STMN2: variants seen among roughly 807,000 people sequenced by gnomAD.
STMN2 encodes the protein stathmin-2.
In STMN2, 2 loss-of-function variants were observed where a neutral mutation model predicts 24.1. The observed-to-expected ratio is 0.08, with a 90% CI of 0.03 to 0.26. The LOEUF (loss-of-function observed/expected upper bound fraction) is 0.26. STMN2 is among the 10% of genes least tolerant of loss of function. STMN2 has a pLI of 1.00. For synonymous variants in STMN2, 83 were observed against 77.5 expected (o/e 1.07, Z -0.37); for missense variants, 114 against 213.6 (o/e 0.53, Z 2.91).
intron 3 of STMN2, 119 bp downstream of exon 3, chr8:79,641,669 C>CAT (rs981144422): frequency 4.1e-6 from 3 of 739,376 alleles, no homozygotes; most frequent in African/African-American, 4.0e-5. Context: ...CACACACACA[C>CAT]ACATACAGAG....
intron 4 of STMN2, among the ~76,000 whole-genome samples, chr8:79,656,074 A>G (rs768948622): frequency 2.6e-5 from 4 of 152,214 alleles, no homozygotes; most frequent in Non-Finnish European, 5.9e-5. Context: ...AAAAAACCTT[A>G]TCCTGAAGTT....
At chr8:79,652,501 C>G (rs903680753) in intron 3 of STMN2, among the ~76,000 whole-genome samples, 1 of 152,106 alleles carries the variant, frequency 6.6e-6, no homozygotes, top group Non-Finnish European at 1.5e-5. Context: ...ATCAGGATCC[C>G]TGAATCCACT....
At chr8:79,621,355 G>C (rs575815421) in intron 1 of STMN2, among the ~76,000 whole-genome samples, 2 of 152,334 alleles carry the variant, frequency 1.3e-5, no homozygotes, top group African/African-American at 4.8e-5. Flanking sequence ...AAATACCCAT[G>C]TGCATGCATT....
At chr8:79,624,479 G>GAAAAAAGAAAAA (rs1411947488) in intron 1 of STMN2, among the ~76,000 whole-genome samples, 12 of 103,458 alleles carry the variant, frequency 1.2e-4, no homozygotes, top group Admixed American at 1.1e-3. Context: ...AAAAAAAAAA[G>GAAAAAAGAAAAA]AAAGAAAGAA....
chr8:79,647,491 T>A (rs1810243296), intron 3 of STMN2, among the ~76,000 whole-genome samples: 1 of 152,124 alleles, frequency 6.6e-6, no homozygotes, highest in African/African-American at 2.4e-5. Context: ...GCTTTCTGGG[T>A]TTATAGCTGG....
chr8:79,658,794 C>T (rs537060000), intron 4 of STMN2, among the ~76,000 whole-genome samples: 6 of 152,272 alleles, frequency 3.9e-5, no homozygotes, highest in South Asian at 4.1e-4. Flanking sequence ...TGATAAATTC[C>T]CAGAAACCCC....
At position 79,661,592 on chromosome 8, in the gene STMN2, T is replaced by C. The variant is rs1461749985; in HGVS notation, c.481-3223T>C. Among the ~76,000 whole-genome samples the C allele has an allele frequency of 2.6e-5, 4 of 152,242 alleles. 1 individual carries two copies. The highest frequency in any genetic ancestry group is 9.6e-5 in the African/African-American group (4 of 41,574). ...GAAAAGGGATTAAAACTAGCCTTTA[T>C]TAATTGTTTGCTATAGGCCAGACAT... On this transcript the variant is annotated intron_variant, in intron 4 of 4. Coordinates refer to ENST00000220876, the MANE Select transcript of STMN2 (RefSeq NM_007029.4).
chr8:79,613,596 G>C (rs1337958763), intron 1 of STMN2: 8 of 985,354 alleles, frequency 8.1e-6, no homozygotes, highest in Non-Finnish European at 8.4e-6. Flanking sequence ...GTCATCATCA[G>C]TATTATTATC....
At chr8:79,638,722 G>A (rs1810025234) in intron 2 of STMN2, among the ~76,000 whole-genome samples, 1 of 151,942 alleles carries the variant, frequency 6.6e-6, no homozygotes, top group African/African-American at 2.4e-5. Context: ...TTTTAAATGA[G>A]GAAATAAAAG....
intron 3 of STMN2, among the ~76,000 whole-genome samples, chr8:79,642,330 A>G (rs1810118020): frequency 6.6e-6 from 1 of 152,202 alleles, no homozygotes; most frequent in African/African-American, 2.4e-5. Context: ...GGGACTGTGT[A>G]CACAAACAGA....
chr8:79,659,338 A>T (rs1806447559), intron 4 of STMN2, among the ~76,000 whole-genome samples: 1 of 152,190 alleles, frequency 6.6e-6, no homozygotes, highest in Non-Finnish European at 1.5e-5. Context: ...TTAGAGTGGT[A>T]TGAGAAGTAG....
chr8:79,651,412 G>A (rs1810331573), intron 3 of STMN2, among the ~76,000 whole-genome samples: 1 of 152,190 alleles, frequency 6.6e-6, no homozygotes, highest in African/African-American at 2.4e-5. Context: ...TCCAGTAAAT[G>A]GAGTAGGCAT....
At chr8:79,663,882 TC>T (rs1806549479) in intron 4 of STMN2, among the ~76,000 whole-genome samples, 1 of 152,182 alleles carries the variant, frequency 6.6e-6, no homozygotes, top group Admixed American at 6.5e-5. Flanking sequence ...CTCAGGAAGT[TC>T]AGTTCCCAAT....
intron 1 of STMN2, among the ~76,000 whole-genome samples, chr8:79,629,168 C>T (rs1171758755): frequency 6.6e-6 from 1 of 152,150 alleles, no homozygotes; most frequent in Non-Finnish European, 1.5e-5. Flanking sequence ...CTCACAGGCT[C>T]TGTTATTCCC....
At chr8:79,617,471 C>T (rs563502548) in intron 1 of STMN2, among the ~76,000 whole-genome samples, 4 of 152,314 alleles carry the variant, frequency 2.6e-5, no homozygotes, top group Middle Eastern at 3.4e-3. Flanking sequence ...TTACTCAACA[C>T]AAAGTTGGAC....
intron 3 of STMN2, 78 bp downstream of exon 3, chr8:79,641,628 G>GCACGCACA (rs1554545134): frequency 1.9e-5 from 8 of 431,800 alleles, no homozygotes; most frequent in South Asian, 8.9e-5. Context: ...ACACATGCAC[G>GCACGCACA]CACACACACA....
intron 3 of STMN2, among the ~76,000 whole-genome samples, chr8:79,644,716 A>G (rs1313989026): frequency 6.6e-6 from 1 of 152,244 alleles, no homozygotes; most frequent in African/African-American, 2.4e-5. Flanking sequence ...GTTTAGTGTT[A>G]CTATAACAAT....
chr8:79,636,253 T>A (rs1809952121), intron 1 of STMN2, among the ~76,000 whole-genome samples: 1 of 151,998 alleles, frequency 6.6e-6, no homozygotes. Context: ...GATGGACAGA[T>A]AAGAAAATGC....
intron 1 of STMN2, among the ~76,000 whole-genome samples, chr8:79,633,332 A>T (rs1160507): frequency 0.64 from 97,259 of 152,096 alleles, 31,407 homozygotes; most frequent in African/African-American, 0.71. Context: ...TAGCCTTTGA[A>T]ACAAATAACA....
Sources: allele counts gnomAD v4.1 joint callset (sites outside exome capture counted in the v4.1 genomes callset), GRCh38; gene constraint gnomAD v4.1.1; transcripts MANE v1.5; gene names NCBI Gene and HGNC (gene_info 2026-07-23, HGNC 2026-07-21).